Variants in MCM5 observed in about 807,000 individuals in gnomAD.
MCM5 encodes the protein DNA replication licensing factor MCM5.
In MCM5, 46 loss-of-function variants were observed where a neutral mutation model predicts 79.9. The ratio of observed to expected loss-of-function variants is 0.58; its 90% CI spans 0.45 to 0.74. The LOEUF is 0.74. Ranked by LOEUF, MCM5 falls within the 30% of genes least tolerant of loss-of-function variation. The pLI is 0.00. For synonymous variants in MCM5, 404 were observed against 390.5 expected, an observed-to-expected ratio of 1.03 and a Z score of -0.41; for missense variants, 883 against 1,017.0, an observed-to-expected ratio of 0.87 and a Z score of 1.79.
At chr22:35,428,007 C>T (rs181009128), downstream of MCM5, among the ~76,000 whole-genome samples, 375 of 143,466 alleles carry the variant, frequency 2.6e-3, 4 homozygotes, top group African/African-American at 9.5e-3. Flanking sequence ...AGACCCCCAT[C>T]GCTCTCTCTC....
the MCM5 span, among the ~76,000 whole-genome samples, chr22:35,452,493 G>A: frequency 9.8e-5 from 15 of 152,308 alleles, no homozygotes; most frequent in East Asian, 9.7e-4. Flanking sequence ...GTGGGTGGCC[G>A]CCTCACGTTC....
intron 15 of MCM5, chr22:35,422,941 C>T (rs1932731790): frequency 3.5e-6 from 1 of 286,328 alleles, no homozygotes; most frequent in Non-Finnish European, 6.5e-6. Context: ...ACACTCTGGC[C>T]ATGTCTCTGC....
At position 35,406,219 on chromosome 22, in the gene MCM5, CAG is replaced by C. The variant is rs1285328441; in HGVS notation, c.424-331_424-330del. Among the ~76,000 whole-genome samples, 3 of 150,954 alleles carry C rather than the reference CAG, an allele frequency of 2.0e-5. No individual in the cohort carries two copies. In the East Asian group the frequency reaches 5.8e-4, roughly 29 times the overall value. ...TCTACAGGTCCAAGGATGTCGCCAT[CAG>C]AGCTGGGGTCAGGTCTCTCTCCTGG... On this transcript the variant is annotated intron_variant, in intron 4 of 16. Coordinates refer to ENST00000216122, the MANE Select transcript of MCM5 (RefSeq NM_006739.4).
downstream of MCM5, among the ~76,000 whole-genome samples, chr22:35,427,756 A>T (rs1200200516): frequency 1.3e-5 from 2 of 149,630 alleles, no homozygotes; most frequent in African/African-American, 4.9e-5. Context: ...ACCAAGGTAG[A>T]TATTTATTTT....
At chr22:35,403,392 C>T in intron 3 of MCM5, 22 bp from the exon 4 acceptor site, 2 of 1,614,202 alleles carry the variant, frequency 1.2e-6, no homozygotes, top group Non-Finnish European at 1.7e-6. Flanking sequence ...TACTAATAGC[C>T]TGTGCCCTTC....
the MCM5 span, among the ~76,000 whole-genome samples, chr22:35,436,709 T>A: frequency 1.3e-5 from 2 of 152,162 alleles, no homozygotes; most frequent in East Asian, 3.9e-4. Context: ...TCCAAACCCA[T>A]TGGGGCAGGG....
intron 16 of MCM5, 70 bp from the exon 17 acceptor site, chr22:35,424,084 G>A (rs1932754363): frequency 4.0e-6 from 4 of 1,004,598 alleles, no homozygotes; most frequent in Non-Finnish European, 6.0e-6. Flanking sequence ...CCGTGAGCCT[G>A]GGGATGTCTG....
the MCM5 span, among the ~76,000 whole-genome samples, chr22:35,449,328 A>G: frequency 6.6e-6 from 1 of 152,230 alleles, no homozygotes; most frequent in Admixed American, 6.5e-5. Flanking sequence ...TGGAACTGAC[A>G]GAGGCCCAGG....
intron 13 of MCM5, among the ~76,000 whole-genome samples, chr22:35,418,705 A>T (rs1932613971): frequency 1.3e-5 from 2 of 151,822 alleles, no homozygotes; most frequent in South Asian, 4.2e-4. Context: ...ACACACACAC[A>T]CACACTCACT....
intron 4 of MCM5, among the ~76,000 whole-genome samples, chr22:35,405,451 C>G (rs1365836519): frequency 6.6e-6 from 1 of 152,158 alleles, no homozygotes; most frequent in African/African-American, 2.4e-5. Context: ...ACTGTAACCC[C>G]TGCTTCCCCG....
At chr22:35,427,408 C>T (rs1429956494), downstream of MCM5, among the ~76,000 whole-genome samples, 1 of 151,856 alleles carries the variant, frequency 6.6e-6, no homozygotes, top group Non-Finnish European at 1.5e-5. Context: ...CAGAGACCAG[C>T]TCATGGAAGA....
chr22:35,400,640 AGTGT>A (rs1399238417), intron 2 of MCM5, 35 bp downstream of exon 2: 1 of 1,548,464 alleles, frequency 6.5e-7, no homozygotes, highest in African/African-American at 1.4e-5. Flanking sequence ...CTCGAGTTCC[AGTGT>A]GGCCGCTCAC....
At chr22:35,402,824 A>G (rs142759255) in intron 2 of MCM5, among the ~76,000 whole-genome samples, 3 of 152,332 alleles carry the variant, frequency 2.0e-5, no homozygotes, top group African/African-American at 2.4e-5. Context: ...GATTACAGGC[A>G]TGAGCCACCT....
chr22:35,448,817 G>A, the MCM5 span, among the ~76,000 whole-genome samples: 87 of 152,308 alleles, frequency 5.7e-4, no homozygotes, highest in African/African-American at 7.2e-4. Flanking sequence ...TGACTAGACC[G>A]GGCTTAGCTC....
At chr22:35,403,154 G>A (rs541183163) in intron 2 of MCM5, 53 bp from the exon 3 acceptor site, 15 of 1,601,080 alleles carry the variant, frequency 9.4e-6, no homozygotes, top group Non-Finnish European at 1.3e-5. Flanking sequence ...GCCAGTGTTG[G>A]TTTCCTCTTC....
chr22:35,409,047 C>A (rs1192916905), intron 6 of MCM5, among the ~76,000 whole-genome samples: 1 of 152,126 alleles, frequency 6.6e-6, no homozygotes, highest in East Asian at 1.9e-4. Context: ...ACTGCAAGCT[C>A]CACCTCCTGG....
the MCM5 span, among the ~76,000 whole-genome samples, chr22:35,433,534 G>A: frequency 2.4e-4 from 36 of 152,188 alleles, no homozygotes; most frequent in African/African-American, 8.7e-4. Context: ...TGGGGACCTT[G>A]GGGGGGTCTC....
chr22:35,435,905 G>C, the MCM5 span, among the ~76,000 whole-genome samples: 3 of 152,276 alleles, frequency 2.0e-5, no homozygotes, highest in South Asian at 6.2e-4. Context: ...GGTGGCTCAC[G>C]CCTGTAATCC....
chr22:35,419,740 T>C (rs1601762211), intron 13 of MCM5, 144 bp from the exon 14 acceptor site: 2 of 716,350 alleles, frequency 2.8e-6, no homozygotes, highest in Admixed American at 3.7e-5. Context: ...CTTTTCCGAT[T>C]GTTGTCCCCC....
Sources: allele counts gnomAD v4.1 joint callset (sites outside exome capture counted in the v4.1 genomes callset), GRCh38; gene constraint gnomAD v4.1.1; transcripts MANE v1.5; gene names NCBI Gene and HGNC (gene_info 2026-07-23, HGNC 2026-07-21).